The following TF variants were observed in gnomAD, a reference collection of about 807,000 sequenced individuals.
TF encodes transferrin, also known as serotransferrin.
A neutral mutation model predicts 82.4 loss-of-function variants in TF; 55 were observed. The observed-to-expected ratio is 0.67, with a 90% confidence interval of 0.54 to 0.84. TF has a LOEUF of 0.84. TF is among the 40% of genes least tolerant of loss of function. The probability of loss-of-function intolerance (pLI) is 0.00; values close to 1 mark genes in which losing one functional copy is unlikely to be tolerated. For missense variants in TF, 737 were observed against 868.4 expected (o/e 0.85, Z 1.90); for synonymous variants, 332 against 332.6 (o/e 1.00, Z 0.02).
chr3:133,775,969 C>G lies in TF; in HGVS notation c.1872+352C>G, dbSNP rs781519866. Among the ~76,000 whole-genome samples, 3 of 152,170 alleles carry G rather than the reference C, an allele frequency of 2.0e-5. No homozygotes were observed. In the East Asian group the frequency reaches 5.8e-4, roughly 29 times the overall value. On this transcript the variant is annotated intron_variant, in intron 15 of 16. Transcript: ENST00000402696. ...TAGGAAAATTCCATTTCCTATAGGACGTGCTCAAAATATGTTAGCTGTGTA... is the reference window on the plus strand; with the variant it reads ...TAGGAAAATTCCATTTCCTATAGGAGGTGCTCAAAATATGTTAGCTGTGTA...
intron 15 of TF, 121 bp from the exon 16 acceptor site, chr3:133,776,928 C>A: frequency 1.1e-6 from 1 of 885,922 alleles, no homozygotes; most frequent in Non-Finnish European, 1.8e-6. Context: ...ATTCCCAAGA[C>A]ATACTCCGTA....
chr3:133,693,591 G>A, the TF span, among the ~76,000 whole-genome samples: 1 of 152,182 alleles, frequency 6.6e-6, no homozygotes, highest in Non-Finnish European at 1.5e-5. Context: ...TTCTGGGAGT[G>A]ATCACTTGCC....
chr3:133,731,794 C>T, the TF span, among the ~76,000 whole-genome samples: 12 of 152,290 alleles, frequency 7.9e-5, no homozygotes, highest in Middle Eastern at 3.4e-3. Flanking sequence ...GTAACTTGTC[C>T]GGTATGATGC....
chr3:133,734,916 A>G, the TF span, among the ~76,000 whole-genome samples: 16 of 152,252 alleles, frequency 1.1e-4, no homozygotes, highest in African/African-American at 3.6e-4. Flanking sequence ...TTTGACAAGT[A>G]TGCAACATAA....
the TF span, among the ~76,000 whole-genome samples, chr3:133,685,362 C>A: frequency 2.6e-5 from 4 of 152,140 alleles, no homozygotes; most frequent in South Asian, 2.1e-4. Flanking sequence ...GGCAATCAGG[C>A]AGGAGAAAGA....
At chr3:133,761,790 T>C (rs935013933) in intron 9 of TF, 4 of 152,758 alleles carry the variant, frequency 2.6e-5, no homozygotes, top group Non-Finnish European at 4.4e-5. Context: ...GTGCTCCACT[T>C]TCTGCAACAC....
Position 133,779,322 on chromosome 3 carries a change from CTTA to C in TF, c.*708_*710del, listed in dbSNP as rs1024646498. On this transcript the variant is annotated 3_prime_UTR_variant, in exon 17 of 17. Transcript: ENST00000402696. ...GGTGGAGGCTGACTTTTCTGTCTCA[CTTA>C]TTATTGGCTGAACATACAGAATTTG... 10 of 152,570 alleles carry C rather than the reference CTTA, an allele frequency of 6.6e-5. No homozygotes were observed. The highest frequency in any genetic ancestry group is 1.9e-4 in the African/African-American group (8 of 41,566). 9.5% of individuals were successfully genotyped at this position (152,570 alleles called of 1,614,324 possible). A position where few individuals can be genotyped will look rare whatever the true frequency, so the allele number is the denominator to read the frequency against.
the TF span, among the ~76,000 whole-genome samples, chr3:133,708,062 T>C: frequency 2.0e-5 from 3 of 152,224 alleles, no homozygotes; most frequent in South Asian, 2.1e-4. Context: ...TTTGAACTTA[T>C]ATTCAACAGA....
the TF span, among the ~76,000 whole-genome samples, chr3:133,687,470 C>T: frequency 6.6e-6 from 1 of 152,260 alleles, no homozygotes; most frequent in South Asian, 2.1e-4. Flanking sequence ...GTGTACAAAT[C>T]AGTGGTATTT....
At chr3:133,674,749 A>G in the TF span, among the ~76,000 whole-genome samples, 1 of 152,022 alleles carries the variant, frequency 6.6e-6, no homozygotes, top group Non-Finnish European at 1.5e-5. Context: ...CTGCGCGACA[A>G]CCGGACAGTC....
upstream of TF, among the ~76,000 whole-genome samples, chr3:133,741,828 G>C (rs1337597831): frequency 6.6e-6 from 1 of 152,086 alleles, no homozygotes; most frequent in Admixed American, 6.5e-5. Flanking sequence ...CTAATCTTTT[G>C]TGTAGAAATT....
chr3:133,726,336 C>A, the TF span, among the ~76,000 whole-genome samples: 1 of 152,102 alleles, frequency 6.6e-6, no homozygotes, highest in Non-Finnish European at 1.5e-5. Context: ...AATTTCAGAG[C>A]CTGTTATTGG....
upstream of TF, among the ~76,000 whole-genome samples, chr3:133,742,993 A>ATCTCTT (rs565750268): frequency 2.5e-4 from 38 of 152,028 alleles, 1 homozygote; most frequent in Admixed American, 2.4e-3. Context: ...TCCTCTATCA[A>ATCTCTT]TCTCTTTCTC....
chr3:133,745,382 T>A (rs757958562), upstream of TF, among the ~76,000 whole-genome samples: 2 of 152,244 alleles, frequency 1.3e-5, no homozygotes, highest in African/African-American at 2.4e-5. Context: ...AATAATCCTG[T>A]ATAAGGCCGC....
rs1933768229 is a variant in TF at position 133,754,480 on chromosome 3, A to G, written c.326-15A>G. 1.9e-6 allele frequency: 3 copies of G among 1,613,590 alleles called. No homozygotes were observed. In the Admixed American group the frequency reaches 5.0e-5, roughly 27 times the overall value. On this transcript the variant is annotated splice_polypyrimidine_tract_variant and intron_variant, in intron 3 of 16. Coordinates refer to ENST00000402696, the MANE Select transcript of TF (RefSeq NM_001063.4). ...ACCAGGCTGAGGGCCTTCCATTCAC[A>G]CTGTGCCTTTGCAGATCCACAGACT... is the stretch of plus-strand genomic sequence containing the variant.
chr3:133,738,007 A>C, the TF span, among the ~76,000 whole-genome samples: 1 of 152,148 alleles, frequency 6.6e-6, no homozygotes, highest in Non-Finnish European at 1.5e-5. Context: ...GAGACACAAC[A>C]AAAAAAGAAA....
In TF at chr3:133,755,373, T is replaced by C; in HGVS notation, c.513T>C (p.Asn171=). ...PRKPLEKAVA[N]FFSGSCAPCA... ...CTCTGTGCTGAGCAGCAGTGGCCAATTTCTTCTCGGGCAGCTGTGCCCCTT... is the reference window on the plus strand; with the variant it reads ...CTCTGTGCTGAGCAGCAGTGGCCAACTTCTTCTCGGGCAGCTGTGCCCCTT... The change falls in exon 5 of 17, where the codon AAT becomes AAC. Residue 171 remains asparagine (N), a synonymous_variant. Transcript: ENST00000402696. 1 of 1,614,200 alleles carries C rather than the reference T, an allele frequency of 6.2e-7. No homozygotes were observed.
the TF span, among the ~76,000 whole-genome samples, chr3:133,729,791 G>A: frequency 1.3e-5 from 2 of 151,938 alleles, no homozygotes; most frequent in African/African-American, 2.4e-5. Flanking sequence ...GTTCCTATTC[G>A]GCCATCTTGG....
chr3:133,733,190 C>T, the TF span, among the ~76,000 whole-genome samples: 1 of 152,190 alleles, frequency 6.6e-6, no homozygotes, highest in East Asian at 1.9e-4. Context: ...GTTGTCCCAG[C>T]CCACTTTATG....
Sources: allele counts gnomAD v4.1 joint callset (sites outside exome capture counted in the v4.1 genomes callset), GRCh38; gene constraint gnomAD v4.1.1; transcripts MANE v1.5; gene names NCBI Gene and HGNC (gene_info 2026-07-23, HGNC 2026-07-21).